The following AHR variants were observed in gnomAD, a reference collection of about 807,000 sequenced individuals.
AHR encodes the protein AH-receptor.
Under a neutral mutation model 86.8 loss-of-function variants are expected in AHR, and 40 were observed. The observed-to-expected ratio is 0.46, with a 90% CI of 0.36 to 0.60. AHR has a LOEUF of 0.60. Ranked by LOEUF, AHR falls within the 20% of genes least tolerant of loss-of-function variation. The pLI is 0.00. For missense variants in AHR, 1,001 were observed against 1,011.6 expected, an observed-to-expected ratio of 0.99 and a Z score of 0.14; for synonymous variants, 398 against 354.9, an observed-to-expected ratio of 1.12 and a Z score of -1.37.
At chr7:17,325,077 T>C (rs950229453) in intron 3 of AHR, among the ~76,000 whole-genome samples, 3 of 152,190 alleles carry the variant, frequency 2.0e-5, no homozygotes, top group African/African-American at 4.8e-5. Context: ...AATTTTCAGA[T>C]AGGTTGAGTG....
At chr7:17,332,378 A>G (rs1275022238) in intron 6 of AHR, among the ~76,000 whole-genome samples, 1 of 151,804 alleles carries the variant, frequency 6.6e-6, no homozygotes, top group Non-Finnish European at 1.5e-5. Context: ...CCTTCAGGAA[A>G]TATTCCAAAA....
At chr7:17,322,992 T>C (rs1782190119) in intron 3 of AHR, among the ~76,000 whole-genome samples, 1 of 152,094 alleles carries the variant, frequency 6.6e-6, no homozygotes, top group African/African-American at 2.4e-5. Flanking sequence ...AGCGTAAGTG[T>C]ATGGTAGACT....
intron 2 of AHR, among the ~76,000 whole-genome samples, chr7:17,318,143 C>A (rs1400809961): frequency 6.6e-6 from 1 of 152,094 alleles, no homozygotes; most frequent in Non-Finnish European, 1.5e-5. Context: ...CTGGCAAGAT[C>A]ATCTTTCTGT....
intron 10 of AHR, 118 bp from the exon 11 acceptor site, chr7:17,342,803 A>G (rs1225077896): frequency 1.1e-6 from 1 of 942,254 alleles, no homozygotes; most frequent in South Asian, 1.7e-5. Flanking sequence ...CAGTAAAGGA[A>G]CTTGAAGTTT....
At position 17,298,868 on chromosome 7, in the gene AHR, G is replaced by C. The variant is rs1303443603; in HGVS notation, c.-397G>C. 3 of 398,256 alleles carry C rather than the reference G, an allele frequency of 7.5e-6. No homozygotes were observed. Among genetic ancestry groups the C allele is most frequent in the African/African-American group, 6.2e-5 (3 of 48,514 alleles). The allele number at this position is 398,256 out of a possible 1,614,324, so 24.7% of individuals were successfully genotyped here. ...CCCAAGGGGCCGCGGCGACGGTCACGGGGCGCGGCGCCACCGTGAGCGACC... is the reference window on the plus strand; with the variant it reads ...CCCAAGGGGCCGCGGCGACGGTCACCGGGCGCGGCGCCACCGTGAGCGACC... On this transcript the variant is annotated 5_prime_UTR_variant, in exon 1 of 11. Transcript: ENST00000242057.
At chr7:17,316,956 T>C (rs2115356516) in intron 2 of AHR, among the ~76,000 whole-genome samples, 1 of 152,208 alleles carries the variant, frequency 6.6e-6, no homozygotes, top group African/African-American at 2.4e-5. Flanking sequence ...TCAGCATGTT[T>C]GATAAAGATG....
chr7:17,318,640 G>T (rs908591117), intron 2 of AHR, among the ~76,000 whole-genome samples: 16 of 152,160 alleles, frequency 1.1e-4, no homozygotes, highest in African/African-American at 3.9e-4. Flanking sequence ...TTCCCAGCTG[G>T]TGACCTATTT....
intron 2 of AHR, among the ~76,000 whole-genome samples, chr7:17,315,576 C>T (rs944921347): frequency 6.6e-6 from 1 of 151,822 alleles, no homozygotes; most frequent in Non-Finnish European, 1.5e-5. Flanking sequence ...TTTAGGGAGA[C>T]TACCGTGGGC....
intron 7 of AHR, among the ~76,000 whole-genome samples, chr7:17,334,392 T>G (rs1451295991): frequency 6.6e-6 from 1 of 152,058 alleles, no homozygotes; most frequent in African/African-American, 2.4e-5. Context: ...TTTTACATTT[T>G]TAAATGGCAC....
At position 17,322,645 on chromosome 7, in the gene AHR, A is replaced by C. The variant is rs200876474; in HGVS notation, c.360+38A>C. On this transcript the variant is annotated intron_variant, in intron 3 of 10. Coordinates refer to ENST00000242057, the MANE Select transcript of AHR (RefSeq NM_001621.5). ...AAATATAGTTTCTTACACTAAGGAC[A>C]GTTGTAAATGGAAAATGAATTAATA... 3.3e-5 allele frequency: 42 copies of C among 1,272,204 alleles called. No individual in the cohort carries two copies. In the African/African-American group the frequency reaches 4.5e-4, roughly 14 times the overall value. 78.8% of individuals were successfully genotyped at this position (1,272,204 alleles called of 1,614,324 possible). A position where few individuals can be genotyped will look rare whatever the true frequency, so the allele number is the denominator to read the frequency against.
At chr7:17,327,390 A>G (rs1045683740) in intron 3 of AHR, among the ~76,000 whole-genome samples, 3 of 151,962 alleles carry the variant, frequency 2.0e-5, no homozygotes, top group Non-Finnish European at 4.4e-5. Flanking sequence ...TCTAATCAAC[A>G]TCTTTGCCTC....
intron 9 of AHR, among the ~76,000 whole-genome samples, chr7:17,337,593 G>T (rs1171942879): frequency 6.7e-6 from 1 of 150,034 alleles, no homozygotes; most frequent in Non-Finnish European, 1.5e-5. Context: ...TCCTGCCTCA[G>T]CCTCCCAAGT....
intron 3 of AHR, among the ~76,000 whole-genome samples, chr7:17,323,080 A>T (rs1782191195): frequency 6.6e-6 from 1 of 152,050 alleles, no homozygotes; most frequent in South Asian, 2.1e-4. Flanking sequence ...TATTTCTTTG[A>T]ATGTGTCCCT....
Position 17,343,360 on chromosome 7 carries a change from G to T in AHR, c.*296G>T. On this transcript the variant is annotated 3_prime_UTR_variant, in exon 11 of 11. Coordinates refer to ENST00000242057, the MANE Select transcript of AHR (RefSeq NM_001621.5). ...CACAAAATATACAAAACTTTATCAG[G>T]GAAACTAAGATTCTTTTAAATTAGA... 3.5e-6 allele frequency: 1 copy of T among 289,822 alleles called. No individual in the cohort carries two copies. Among genetic ancestry groups the T allele is most frequent in the Non-Finnish European group, 6.3e-6 (1 of 158,902 alleles). The allele number at this position is 289,822 out of a possible 1,614,324, so 18.0% of individuals were successfully genotyped here. A position where few individuals can be genotyped will look rare whatever the true frequency, so the allele number is the denominator to read the frequency against.
At chr7:17,311,266 A>G (rs1001537021) in intron 2 of AHR, among the ~76,000 whole-genome samples, 9 of 152,312 alleles carry the variant, frequency 5.9e-5, no homozygotes, top group East Asian at 1.9e-4. Flanking sequence ...ATGTCAGTCA[A>G]TGCTTCTCAT....
intron 2 of AHR, among the ~76,000 whole-genome samples, 166 bp downstream of exon 2, chr7:17,310,289 A>G (rs751270770): frequency 6.6e-6 from 1 of 152,172 alleles, no homozygotes; most frequent in African/African-American, 2.4e-5. Context: ...CTTAAAATCA[A>G]TTTTCCAGTT....
intron 2 of AHR, among the ~76,000 whole-genome samples, chr7:17,315,729 T>C (rs1023860368): frequency 7.9e-5 from 12 of 151,832 alleles, no homozygotes; most frequent in East Asian, 1.9e-4. Flanking sequence ...CTTCATGTTA[T>C]AGTGTTTTAT....
At position 17,314,632 on chromosome 7, in the gene AHR, C is replaced by G. The variant is rs182424492; in HGVS notation, c.253+4509C>G. 2.1e-4 allele frequency among the ~76,000 whole-genome samples: 32 copies of G among 152,106 alleles called. No individual in the cohort carries two copies. In the East Asian group the frequency reaches 4.6e-3, roughly 22 times the overall value. ...GTTTTGGTATCTCTCTAGATCAGAA[C>G]ATTATTCTTGAAAAACAAGTATACG... On this transcript the variant is annotated intron_variant, in intron 2 of 10. Transcript: ENST00000242057.
At chr7:17,322,757 A>G (rs1377852772) in intron 3 of AHR, 150 bp downstream of exon 3, 6 of 610,176 alleles carry the variant, frequency 9.8e-6, no homozygotes, top group Non-Finnish European at 1.8e-5. Context: ...ATGATGCTTA[A>G]TACATGAAAA....
Sources: gnomAD v4.1 joint callset for allele counts (sites outside exome capture counted in the v4.1 genomes callset) on GRCh38, gnomAD v4.1.1 for gene constraint, MANE v1.5 for transcripts, NCBI Gene and HGNC (gene_info 2026-07-23, HGNC 2026-07-21) for gene names.